The following RBFOX1 variants were observed in gnomAD, a reference collection of about 807,000 sequenced individuals.
The protein encoded by RBFOX1 is RNA binding fox-1 homolog 1.
Under a neutral mutation model 57.7 loss-of-function variants are expected in RBFOX1, and 8 were observed. The ratio of observed to expected loss-of-function variants is 0.14; its 90% confidence interval spans 0.08 to 0.25. RBFOX1 has a LOEUF of 0.25. Among genes scored for constraint, RBFOX1 ranks in the 10% least tolerant of loss-of-function variants. The probability of loss-of-function intolerance (pLI) is 1.00; values close to 1 mark genes in which losing one functional copy is unlikely to be tolerated. For synonymous variants in RBFOX1, 326 were observed against 222.4 expected, an observed-to-expected ratio of 1.47 and a Z score of -4.15; for missense variants, 611 against 548.5, an observed-to-expected ratio of 1.11 and a Z score of -1.14.
chr16:5,266,699 C>T (rs1169038989), intron 1 of RBFOX1, among the ~76,000 whole-genome samples: 1 of 151,890 alleles, frequency 6.6e-6, no homozygotes, highest in Non-Finnish European at 1.5e-5. Flanking sequence ...CAGGCATGTG[C>T]CACCACTCTT....
chr16:7,052,241 T>G (rs2050334302), intron 4 of RBFOX1, 143 bp downstream of exon 4: 1 of 1,299,742 alleles, frequency 7.7e-7, no homozygotes, highest in South Asian at 1.6e-5. Context: ...TATCCCAGCT[T>G]ATTTAGTATT....
At chr16:7,167,591 C>T (rs1428274521) in intron 4 of RBFOX1, among the ~76,000 whole-genome samples, 3 of 152,152 alleles carry the variant, frequency 2.0e-5, no homozygotes, top group African/African-American at 7.2e-5. Context: ...GCCTCCAGAA[C>T]TGACAGAGAA....
intron 1 of RBFOX1, among the ~76,000 whole-genome samples, chr16:6,264,548 A>G (rs565445093): frequency 6.6e-6 from 1 of 152,118 alleles, no homozygotes; most frequent in Admixed American, 6.5e-5. Context: ...CGCTCACATC[A>G]CTACAGCCAC....
At chr16:6,858,539 C>T (rs1330082241) in intron 3 of RBFOX1, among the ~76,000 whole-genome samples, 2 of 152,132 alleles carry the variant, frequency 1.3e-5, no homozygotes, top group Non-Finnish European at 2.9e-5. Context: ...GCTTGTTTTA[C>T]TTAGAATCGT....
chr16:7,610,865 C>T (rs59524139), intron 10 of RBFOX1, among the ~76,000 whole-genome samples: 16,382 of 152,236 alleles, frequency 0.11, 875 homozygotes, highest in East Asian at 0.13. Flanking sequence ...CACGCATCTA[C>T]AGATCCATGA....
At chr16:6,925,218 C>T (rs11645502) in intron 3 of RBFOX1, among the ~76,000 whole-genome samples, 1 of 137,106 alleles carries the variant, frequency 7.3e-6, no homozygotes, top group Non-Finnish European at 1.5e-5. Context: ...ACTGAAGCCT[C>T]TGCCTCCCGG....
At chr16:7,439,920 G>T (rs2098752397) in intron 4 of RBFOX1, among the ~76,000 whole-genome samples, 1 of 150,360 alleles carries the variant, frequency 6.7e-6, no homozygotes, top group Non-Finnish European at 1.5e-5. Flanking sequence ...CAGGTTTCCT[G>T]AACCACAAAA....
intron 5 of RBFOX1, among the ~76,000 whole-genome samples, chr16:7,563,745 G>A (rs1435668165): frequency 6.6e-6 from 1 of 152,128 alleles, no homozygotes; most frequent in Non-Finnish European, 1.5e-5. Context: ...TGGGATTACA[G>A]GGCTGAGCCA....
intron 3 of RBFOX1, among the ~76,000 whole-genome samples, chr16:5,616,560 C>T (rs923299951): frequency 4.0e-5 from 6 of 151,082 alleles, no homozygotes; most frequent in Non-Finnish European, 8.9e-5. Context: ...CCCTCCTCCT[C>T]CTCCTCTTCC....
chr16:5,256,278 G>A (rs1432673792), intron 1 of RBFOX1, among the ~76,000 whole-genome samples: 2 of 152,116 alleles, frequency 1.3e-5, no homozygotes, highest in Admixed American at 6.6e-5. Context: ...GGGAAAAATT[G>A]GGTCCTGGCA....
chr16:7,410,807 G>A (rs183509249), intron 4 of RBFOX1, among the ~76,000 whole-genome samples: 1 of 150,330 alleles, frequency 6.7e-6, no homozygotes, highest in Non-Finnish European at 1.5e-5. Context: ...ATTTTCATCA[G>A]GCTTGAGGAT....
downstream of RBFOX1, among the ~76,000 whole-genome samples, chr16:5,604,903 C>T (rs548632849): frequency 6.6e-6 from 1 of 152,322 alleles, no homozygotes; most frequent in South Asian, 2.1e-4. Flanking sequence ...ACGTCCCCTG[C>T]TGCAGTCTCA....
At chr16:7,519,753 G>C in intron 5 of RBFOX1, 1 of 976,010 alleles carries the variant, frequency 1.0e-6, no homozygotes, top group Non-Finnish European at 1.2e-6. Flanking sequence ...AAGACCTCAG[G>C]AAAGCAAGTA....
chr16:7,000,586 C>CTTTTTTTTTTTTTTTTTTTT (rs149516490), intron 3 of RBFOX1, among the ~76,000 whole-genome samples: 4 of 95,846 alleles, frequency 4.2e-5, no homozygotes, highest in African/African-American at 1.4e-4. Context: ...TTTTTTCTTT[C>CTTTTTTTTTTTTTTTTTTTT]TTTTTCTTTC....
chr16:7,206,876 A>G (rs1234429673), intron 4 of RBFOX1, among the ~76,000 whole-genome samples: 1 of 152,056 alleles, frequency 6.6e-6, no homozygotes, highest in Non-Finnish European at 1.5e-5. Flanking sequence ...GAGAGGCTGG[A>G]GAAACCGTCT....
chr16:6,945,348 T>C (rs77936548), intron 3 of RBFOX1, among the ~76,000 whole-genome samples: 1,762 of 152,218 alleles, frequency 0.012, 42 homozygotes, highest in African/African-American at 0.04. Flanking sequence ...ACAGTTAATG[T>C]TATCAGTCAA....
intron 6 of RBFOX1, among the ~76,000 whole-genome samples, chr16:7,584,275 C>T (rs920174266): frequency 2.0e-5 from 3 of 152,074 alleles, no homozygotes; most frequent in African/African-American, 7.2e-5. Context: ...AGTGTGTGTG[C>T]CTGTAAGCTT....
chr16:6,043,292 G>A (rs1305796491), intron 1 of RBFOX1, among the ~76,000 whole-genome samples: 4 of 152,148 alleles, frequency 2.6e-5, no homozygotes, highest in East Asian at 1.9e-4. Context: ...CACCGAATCT[G>A]TGCTAGATCC....
intron 1 of RBFOX1, among the ~76,000 whole-genome samples, chr16:5,427,739 TC>T (rs1295655187): frequency 1.3e-5 from 2 of 152,086 alleles, no homozygotes; most frequent in Admixed American, 6.6e-5. Flanking sequence ...GAGAGGTCAG[TC>T]TTGTTTTGCT....
Sources: gnomAD v4.1 joint callset for allele counts (sites outside exome capture counted in the v4.1 genomes callset) on GRCh38, gnomAD v4.1.1 for gene constraint, MANE v1.5 for transcripts, NCBI Gene and HGNC (gene_info 2026-07-23, HGNC 2026-07-21) for gene names.